The following DCC variants were observed in gnomAD, a reference collection of about 807,000 sequenced individuals.
DCC encodes the protein DCC netrin 1 receptor.
Under a neutral mutation model 172.5 loss-of-function variants are expected in DCC, and 58 were observed. That is an observed-to-expected ratio of 0.34 (90% CI 0.27 to 0.42). The LOEUF (loss-of-function observed/expected upper bound fraction) is 0.42, where lower values mean the gene tolerates loss of function less well. DCC is among the 10% of genes least tolerant of loss of function. The probability of loss-of-function intolerance (pLI) is 1.00; values close to 1 mark genes in which losing one functional copy is unlikely to be tolerated. For missense variants in DCC, 1,740 were observed against 1,791.0 expected (o/e 0.97, Z 0.51); for synonymous variants, 709 against 644.5 (o/e 1.10, Z -1.52).
rs545473569 is a variant in DCC, at chr18:52,979,549, G to A, written c.985+54179G>A. Among the ~76,000 whole-genome samples the A allele has an allele frequency of 1.8e-4, 28 of 152,258 alleles. 2 individuals carry two copies. The Middle Eastern group carries it at 0.017, about 92-fold the overall frequency. On this transcript the variant is annotated intron_variant, in intron 5 of 28. Coordinates refer to ENST00000442544, the MANE Select transcript of DCC (RefSeq NM_005215.4). ...TCAGAGTATTCTTCAAGTTGTATTC[G>A]TCAAATTCAGTTAATATTCCCTCTC...
chr18:53,332,686 G>A (rs1011109328), intron 14 of DCC, among the ~76,000 whole-genome samples: 28 of 152,202 alleles, frequency 1.8e-4, no homozygotes, highest in Middle Eastern at 3.4e-3. Context: ...GAGAGATTGG[G>A]GGAGGGCTTG....
intron 5 of DCC, among the ~76,000 whole-genome samples, 178 bp from the exon 6 acceptor site, chr18:53,063,127 G>A (rs1453529764): frequency 2.0e-5 from 3 of 151,906 alleles, no homozygotes; most frequent in African/African-American, 7.3e-5. Flanking sequence ...CTGCATTTGG[G>A]GGAACAAAAG....
chr18:53,244,331 A>C (rs555784006), intron 12 of DCC, among the ~76,000 whole-genome samples: 12 of 152,272 alleles, frequency 7.9e-5, no homozygotes, highest in Admixed American at 3.9e-4. Flanking sequence ...CCTTTTACCA[A>C]GTAGCTCCAT....
At chr18:52,551,883 CA>C (rs778593168) in intron 1 of DCC, among the ~76,000 whole-genome samples, 33 of 152,008 alleles carry the variant, frequency 2.2e-4, no homozygotes, top group Non-Finnish European at 4.0e-4. Flanking sequence ...TTGTCTATTC[CA>C]ATGGTTGAGC....
At chr18:53,222,383 C>CTTTTTTTTTTTTT (rs67373546) in intron 12 of DCC, among the ~76,000 whole-genome samples, 23 of 104,206 alleles carry the variant, frequency 2.2e-4, no homozygotes, top group African/African-American at 2.9e-4. Flanking sequence ...TTTCTTTTTT[C>CTTTTTTTTTTTTT]TTTTTTTTTT....
intron 5 of DCC, among the ~76,000 whole-genome samples, chr18:53,048,592 T>C (rs993390386): frequency 6.6e-6 from 1 of 151,180 alleles, no homozygotes; most frequent in Admixed American, 6.6e-5. Flanking sequence ...TATATACGTA[T>C]ATACATACAT....
chr18:52,642,607 T>G (rs981936511), intron 1 of DCC, among the ~76,000 whole-genome samples: 1 of 152,310 alleles, frequency 6.6e-6, no homozygotes, highest in African/African-American at 2.4e-5. Context: ...CTCATGATGT[T>G]CTTAATATTT....
chr18:53,320,112 A>G (rs1024957263), intron 13 of DCC, among the ~76,000 whole-genome samples: 2 of 132,060 alleles, frequency 1.5e-5, no homozygotes, highest in Non-Finnish European at 3.1e-5. Context: ...TCACTCTGTC[A>G]CCCAGGCTGG....
chr18:53,473,844 A>G (rs2045728278), intron 25 of DCC, among the ~76,000 whole-genome samples: 2 of 152,182 alleles, frequency 1.3e-5, no homozygotes, highest in South Asian at 4.1e-4. Flanking sequence ...TTGTCTAAAC[A>G]TGGAAGCTGA....
At chr18:52,986,682 CA>C (rs932802177) in intron 5 of DCC, among the ~76,000 whole-genome samples, 2 of 147,638 alleles carry the variant, frequency 1.4e-5, no homozygotes, top group Non-Finnish European at 3.0e-5. Context: ...TAGAAGAAGG[CA>C]AAAAAAAATC....
At chr18:52,875,717 G>A (rs2039393475) in intron 2 of DCC, among the ~76,000 whole-genome samples, 1 of 152,208 alleles carries the variant, frequency 6.6e-6, no homozygotes, top group Non-Finnish European at 1.5e-5. Context: ...TTGCAGGCTT[G>A]CAGTTCTGTT....
At chr18:53,339,151 C>T (rs1340818497) in intron 14 of DCC, among the ~76,000 whole-genome samples, 1 of 152,160 alleles carries the variant, frequency 6.6e-6, no homozygotes, top group East Asian at 1.9e-4. Context: ...TAATCCAGGC[C>T]ACTGTCTTCT....
intron 3 of DCC, among the ~76,000 whole-genome samples, chr18:52,922,540 T>C (rs1029583333): frequency 6.6e-6 from 1 of 152,192 alleles, no homozygotes; most frequent in Non-Finnish European, 1.5e-5. Context: ...ATCCAGATTT[T>C]GCTTTGAGTC....
intron 5 of DCC, among the ~76,000 whole-genome samples, chr18:53,062,761 T>A (rs2042513895): frequency 6.6e-6 from 1 of 152,134 alleles, no homozygotes; most frequent in South Asian, 2.1e-4. Context: ...AGATAATTGC[T>A]AAGACAATAA....
At chr18:52,533,921 T>C (rs1431168202) in intron 1 of DCC, among the ~76,000 whole-genome samples, 1 of 152,140 alleles carries the variant, frequency 6.6e-6, no homozygotes, top group African/African-American at 2.4e-5. Context: ...GTTACTATTT[T>C]TTTTATTTTA....
intron 1 of DCC, among the ~76,000 whole-genome samples, chr18:52,397,068 C>G (rs1037775946): frequency 6.6e-6 from 1 of 152,036 alleles, no homozygotes; most frequent in Non-Finnish European, 1.5e-5. Flanking sequence ...GCGGCCACCT[C>G]TCAATGAATG....
chr18:52,497,291 A>G (rs377169122), intron 1 of DCC, among the ~76,000 whole-genome samples: 3,460 of 59,848 alleles, frequency 0.058, 763 homozygotes, highest in East Asian at 0.54. Flanking sequence ...ATATATATAT[A>G]TATATATATA....
intron 2 of DCC, among the ~76,000 whole-genome samples, chr18:52,822,976 A>T (rs2038435447): frequency 6.6e-6 from 1 of 152,204 alleles, no homozygotes; most frequent in Admixed American, 6.5e-5. Context: ...ATGAACTTAA[A>T]TAGCTAGAAT....
At position 53,339,909 on chromosome 18, in the gene DCC, T is replaced by A; in HGVS notation, c.2359+2T>A. On this transcript the variant is annotated splice_donor_variant, in intron 15 of 28. Coordinates refer to ENST00000442544, the MANE Select transcript of DCC (RefSeq NM_005215.4). LOFTEE classifies it high-confidence loss of function. ...GATATTATTCCATTGAGAGGTTAGG[T>A]GAGTATCTGTGATTTTTTTTATTCT... 1 of 1,611,446 alleles carries A rather than the reference T, an allele frequency of 6.2e-7. No homozygotes were observed. Among genetic ancestry groups the A allele is most frequent in the Non-Finnish European group, 8.5e-7 (1 of 1,178,480 alleles).
Sources: gnomAD v4.1 joint callset for allele counts (sites outside exome capture counted in the v4.1 genomes callset) on GRCh38, gnomAD v4.1.1 for gene constraint, MANE v1.5 for transcripts, NCBI Gene and HGNC (gene_info 2026-07-23, HGNC 2026-07-21) for gene names.